The following DLGAP2 variants were observed in gnomAD, a reference collection of about 807,000 sequenced individuals.
DLGAP2 encodes DLG associated protein 2, also known as disks large-associated protein 2.
A neutral mutation model predicts 100.3 loss-of-function variants in DLGAP2; 26 were observed. The ratio of observed to expected loss-of-function variants is 0.26; its 90% confidence interval spans 0.19 to 0.36. The LOEUF (loss-of-function observed/expected upper bound fraction) is 0.36, where lower values mean the gene tolerates loss of function less well. Among genes scored for constraint, DLGAP2 ranks in the 10% least tolerant of loss-of-function variants. The probability of loss-of-function intolerance (pLI) is 1.00; values close to 1 mark genes in which losing one functional copy is unlikely to be tolerated. For missense variants in DLGAP2, 1,858 were observed against 1,453.2 expected, an observed-to-expected ratio of 1.28 and a Z score of -4.53; for synonymous variants, 886 against 630.1, an observed-to-expected ratio of 1.41 and a Z score of -6.08.
At chr8:866,018 C>T (rs899916147) in intron 1 of DLGAP2, among the ~76,000 whole-genome samples, 1 of 152,210 alleles carries the variant, frequency 6.6e-6, no homozygotes, top group Non-Finnish European at 1.5e-5. Flanking sequence ...TTATGGGTCT[C>T]TTTTTAAATT....
At chr8:1,300,348 C>T (rs1308349904) in intron 3 of DLGAP2, 1 of 152,278 alleles carries the variant, frequency 6.6e-6, no homozygotes, top group South Asian at 2.1e-4. Context: ...GGAAAGGGGC[C>T]CTGGACTGGA....
chr8:1,354,452 A>G (rs1414910923), intron 3 of DLGAP2, among the ~76,000 whole-genome samples: 1 of 152,192 alleles, frequency 6.6e-6, no homozygotes, highest in Non-Finnish European at 1.5e-5. Context: ...GGCACAGGTT[A>G]CAGTGAGCTG....
chr8:1,078,087 G>C lies in DLGAP2; in HGVS notation c.73+170121G>C, dbSNP rs567821526. Among the ~76,000 whole-genome samples, 21 of 152,162 alleles carry C rather than the reference G, an allele frequency of 1.4e-4. No individual in the cohort carries two copies. In the South Asian group the frequency reaches 4.4e-3, roughly 32 times the overall value. ...CGGTGAGGGTTACCTTCTGTCCCTGGTTTTCCTAAATTTCGAGATGGGAGG... is the reference window on the plus strand; with the variant it reads ...CGGTGAGGGTTACCTTCTGTCCCTGCTTTTCCTAAATTTCGAGATGGGAGG... On this transcript the variant is annotated intron_variant, in intron 2 of 14. Coordinates refer to ENST00000637795, the MANE Select transcript of DLGAP2 (RefSeq NM_001346810.2).
chr8:1,217,457 C>G (rs111798773), intron 2 of DLGAP2, among the ~76,000 whole-genome samples: 12 of 152,250 alleles, frequency 7.9e-5, no homozygotes, highest in African/African-American at 2.6e-4. Context: ...GATTTATATT[C>G]TATTGGGTAT....
At chr8:1,466,881 CT>C (rs567176782) in intron 3 of DLGAP2, among the ~76,000 whole-genome samples, 3 of 151,650 alleles carry the variant, frequency 2.0e-5, no homozygotes, top group Admixed American at 6.6e-5. Flanking sequence ...TCTACTTTTT[CT>C]TTTTTTTTCC....
intron 12 of DLGAP2, 198 bp downstream of exon 12, chr8:1,678,827 C>T (rs1317240960): frequency 3.6e-6 from 2 of 561,198 alleles, no homozygotes; most frequent in Non-Finnish European, 5.6e-6. Context: ...ACTACGATAT[C>T]GAAGGAAAAT....
intron 2 of DLGAP2, among the ~76,000 whole-genome samples, chr8:1,230,092 T>G (rs1798504281): frequency 6.9e-6 from 1 of 145,868 alleles, no homozygotes; most frequent in African/African-American, 2.8e-5. Flanking sequence ...ACAGATGATA[T>G]GATTCTATAC....
intron 2 of DLGAP2, among the ~76,000 whole-genome samples, chr8:996,220 A>T (rs1202853615): frequency 6.6e-6 from 1 of 152,180 alleles, no homozygotes; most frequent in Non-Finnish European, 1.5e-5. Flanking sequence ...TTCTTTACTT[A>T]TAGTAACTTT....
At chr8:1,306,479 G>C (rs1800494923) in intron 3 of DLGAP2, among the ~76,000 whole-genome samples, 1 of 152,132 alleles carries the variant, frequency 6.6e-6, no homozygotes, top group African/African-American at 2.4e-5. Flanking sequence ...TGGATTGAAA[G>C]GCTTACTGTT....
chr8:1,437,813 C>CAAAAAAAAAAAAAAAAAA (rs59165125), intron 3 of DLGAP2, among the ~76,000 whole-genome samples: 3 of 85,220 alleles, frequency 3.5e-5, no homozygotes. Flanking sequence ...ACTAAAAATA[C>CAAAAAAAAAAAAAAAAAA]AAAAAAAAAA....
rs1345899553 is a variant in DLGAP2 at position 1,538,591 on chromosome 8, G to A, written c.173-10035G>A. On this transcript the variant is annotated intron_variant, in intron 4 of 14. Coordinates refer to ENST00000637795, the MANE Select transcript of DLGAP2 (RefSeq NM_001346810.2). ...TGCAGGTACAGAACAGATAGGGAGG[G>A]GCTTATGTCTCCGTCCCTCCTCCCC... Among the ~76,000 whole-genome samples the A allele has an allele frequency of 2.0e-5, 3 of 152,140 alleles. 1 individual carries two copies. The highest frequency in any genetic ancestry group is 1.5e-5 in the Non-Finnish European group (1 of 68,034).
chr8:806,557 G>T (rs1796274257), intron 1 of DLGAP2, among the ~76,000 whole-genome samples: 1 of 152,162 alleles, frequency 6.6e-6, no homozygotes, highest in Non-Finnish European at 1.5e-5. Flanking sequence ...GAGTCGATAG[G>T]TGCCCTGGAA....
intron 6 of DLGAP2, among the ~76,000 whole-genome samples, chr8:1,624,021 G>C (rs1468581941): frequency 6.6e-6 from 1 of 152,170 alleles, no homozygotes; most frequent in Admixed American, 6.5e-5. Context: ...GCCACTGCCA[G>C]AGTGATGAGC....
At chr8:1,028,570 C>G (rs1468980333) in intron 2 of DLGAP2, among the ~76,000 whole-genome samples, 10 of 152,232 alleles carry the variant, frequency 6.6e-5, no homozygotes, top group Non-Finnish European at 1.0e-4. Flanking sequence ...CGTGATGCTC[C>G]AGATGTGCCA....
chr8:1,441,718 A>G (rs1299332500), intron 3 of DLGAP2, among the ~76,000 whole-genome samples: 1 of 149,970 alleles, frequency 6.7e-6, no homozygotes, highest in East Asian at 1.9e-4. Context: ...ACTCATATTT[A>G]GCATCACTGT....
At chr8:1,279,014 A>G (rs1340173279) in intron 3 of DLGAP2, among the ~76,000 whole-genome samples, 1 of 152,230 alleles carries the variant, frequency 6.6e-6, no homozygotes, top group Non-Finnish European at 1.5e-5. Context: ...TAAAGAACAT[A>G]TAGTAATGGG....
intron 1 of DLGAP2, among the ~76,000 whole-genome samples, chr8:755,616 G>T (rs1199637251): frequency 6.6e-6 from 1 of 152,228 alleles, no homozygotes; most frequent in Admixed American, 6.5e-5. Flanking sequence ...CGAGGGGCAG[G>T]TGGGGGTGAA....
chr8:1,070,631 T>C (rs1025828831), intron 2 of DLGAP2, among the ~76,000 whole-genome samples: 1 of 152,024 alleles, frequency 6.6e-6, no homozygotes, highest in Non-Finnish European at 1.5e-5. Flanking sequence ...TACGCGTATG[T>C]GAAAAGTGTG....
chr8:1,457,866 T>C (rs1798358667), intron 3 of DLGAP2, among the ~76,000 whole-genome samples: 1 of 151,490 alleles, frequency 6.6e-6, no homozygotes, highest in Non-Finnish European at 1.5e-5. Context: ...TCTTTGTTAA[T>C]TCTATTTTCA....
Sources: allele counts gnomAD v4.1 joint callset (sites outside exome capture counted in the v4.1 genomes callset), GRCh38; gene constraint gnomAD v4.1.1; transcripts MANE v1.5; gene names NCBI Gene and HGNC (gene_info 2026-07-23, HGNC 2026-07-21).